The following VWA5B1 variants were observed in gnomAD, a reference collection of about 807,000 sequenced individuals.
VWA5B1 encodes the protein von Willebrand factor A domain-containing protein 5B1.
Under a neutral mutation model 118.2 loss-of-function variants are expected in VWA5B1, and 115 were observed. The observed-to-expected ratio is 0.97, with a 90% confidence interval of 0.84 to 1.14. VWA5B1 has a LOEUF of 1.14. VWA5B1 is among the 50% of genes most tolerant of loss of function. VWA5B1 has a pLI of 0.00. For missense variants in VWA5B1, 1,596 were observed against 1,603.8 expected, an observed-to-expected ratio of 1.00 and a Z score of 0.08; for synonymous variants, 682 against 658.4, an observed-to-expected ratio of 1.04 and a Z score of -0.55.
At chr1:20,295,191 T>C (rs1420457631) in intron 1 of VWA5B1, among the ~76,000 whole-genome samples, 2 of 151,652 alleles carry the variant, frequency 1.3e-5, no homozygotes, top group Non-Finnish European at 2.9e-5. Flanking sequence ...GGGCTCTGGG[T>C]TGAGGGAGGA....
At chr1:20,299,751 GT>G (rs1444480161) in intron 1 of VWA5B1, among the ~76,000 whole-genome samples, 1 of 152,252 alleles carries the variant, frequency 6.6e-6, no homozygotes, top group Admixed American at 6.5e-5. Context: ...GTCTTCTCTA[GT>G]GTGCTGACTT....
In VWA5B1 at chr1:20,342,623, G is replaced by A; in HGVS notation, c.2311+14G>A. ...CTGGAGATCTGGGTAAGTGACCACA[G>A]GGTCCAGGACCCAACTGGGGACAGG... On this transcript the variant is annotated intron_variant, in intron 15 of 21. Coordinates refer to ENST00000289815, the MANE Select transcript of VWA5B1 (RefSeq NM_001039500.3). 2.7e-6 allele frequency: 4 copies of A among 1,471,574 alleles called. No individual in the cohort carries two copies. Among genetic ancestry groups the A allele is most frequent in the Non-Finnish European group, 2.7e-6 (3 of 1,111,680 alleles). 91.2% of individuals were successfully genotyped at this position (1,471,574 alleles called of 1,614,324 possible).
At chr1:20,341,504 G>A (rs2089873354) in intron 14 of VWA5B1, among the ~76,000 whole-genome samples, 1 of 152,144 alleles carries the variant, frequency 6.6e-6, no homozygotes, top group Admixed American at 6.5e-5. Context: ...CTGCAAGATG[G>A]AAAAAAATTA....
chr1:20,299,015 C>T (rs191009365), intron 1 of VWA5B1, among the ~76,000 whole-genome samples: 2 of 152,166 alleles, frequency 1.3e-5, no homozygotes, highest in Non-Finnish European at 2.9e-5. Context: ...ACTAACCTCT[C>T]TTATGTTCAC....
chr1:20,338,787 C>T (rs1249023367), intron 14 of VWA5B1: 1 of 152,312 alleles, frequency 6.6e-6, no homozygotes, highest in Non-Finnish European at 1.5e-5. Flanking sequence ...GCCTCGAACT[C>T]CCAAAGCACT....
intron 4 of VWA5B1, among the ~76,000 whole-genome samples, chr1:20,316,692 G>A (rs920673754): frequency 2.6e-5 from 4 of 152,192 alleles, no homozygotes; most frequent in African/African-American, 7.2e-5. Context: ...TGGCTAAGCC[G>A]TTGCTCCTGG....
At chr1:20,299,084 G>A (rs1240711313) in intron 1 of VWA5B1, among the ~76,000 whole-genome samples, 1 of 152,178 alleles carries the variant, frequency 6.6e-6, no homozygotes, top group Non-Finnish European at 1.5e-5. Flanking sequence ...AGGGATCCAT[G>A]TGATCATACA....
intron 1 of VWA5B1, among the ~76,000 whole-genome samples, chr1:20,303,924 G>A (rs1380976962): frequency 6.6e-6 from 1 of 152,230 alleles, no homozygotes; most frequent in African/African-American, 2.4e-5. Flanking sequence ...TTTGGAGTCC[G>A]GGCTGGTTTC....
At position 20,353,784 on chromosome 1, in the gene VWA5B1, T is replaced by G. The variant is rs768052950; in HGVS notation, c.3169T>G (p.Phe1057Val). The G allele has an allele frequency of 2.7e-6, 4 of 1,468,680 alleles. No individual in the cohort carries two copies. The highest frequency in any genetic ancestry group is 3.6e-6 in the Non-Finnish European group (4 of 1,107,890). The allele number at this position is 1,468,680 out of a possible 1,614,324, so 91.0% of individuals were successfully genotyped here. A position where few individuals can be genotyped will look rare whatever the true frequency, so the allele number is the denominator to read the frequency against. ...LVSLQLASGA[F>V]LLNEAFCEAT... is the part of the protein sequence containing the mutation. The stretch of plus-strand genomic sequence containing the variant: ...GTCTCTGCAGCTGGCCTCCGGAGCC[T>G]TCCTGCTCAACGAAGCCTTCTGTGA... Residue 1057 changes from phenylalanine to valine, a missense_variant, in exon 22 of 22, where the codon TTC (phenylalanine) becomes GTC (valine). Physicochemically the swap from Phe to Val is conservative, Grantham distance 50 (BLOSUM62 -1). Transcript: ENST00000289815.
intron 1 of VWA5B1, chr1:20,294,468 T>TTTATTTATTTATTTATTTA (rs1318285350): frequency 4.4e-5 from 4 of 91,214 alleles, no homozygotes; most frequent in Non-Finnish European, 1.0e-4. Context: ...CCCATGGGGT[T>TTTATTTATTTATTTATTTA]TTATTTATTT....
intron 11 of VWA5B1, 38 bp downstream of exon 11, chr1:20,331,021 G>A: frequency 6.7e-7 from 1 of 1,492,810 alleles, no homozygotes; most frequent in Non-Finnish European, 9.0e-7. Flanking sequence ...TCTGGTGCTG[G>A]AACCTCAGAG....
chr1:20,343,756 A>T (rs902697103), intron 16 of VWA5B1, among the ~76,000 whole-genome samples: 1 of 15,316 alleles, frequency 6.5e-5, no homozygotes, highest in Non-Finnish European at 1.2e-4. Flanking sequence ...CCCAGCCCCC[A>T]CCCTGTGCCT....
chr1:20,320,735 T>G (rs986692372), intron 7 of VWA5B1, among the ~76,000 whole-genome samples: 15 of 152,248 alleles, frequency 9.9e-5, no homozygotes, highest in African/African-American at 3.1e-4. Flanking sequence ...GATGAGTTTA[T>G]TAATAATTGG....
chr1:20,348,412 C>A (rs139719178), intron 18 of VWA5B1, 54 bp downstream of exon 18: 1 of 1,527,722 alleles, frequency 6.5e-7, no homozygotes, highest in Non-Finnish European at 8.9e-7. Context: ...GAAGCCTGGG[C>A]CCCTGAGGTT....
At chr1:20,329,348 G>T (rs1379825715) in intron 9 of VWA5B1, among the ~76,000 whole-genome samples, 1 of 132,250 alleles carries the variant, frequency 7.6e-6, no homozygotes, top group Non-Finnish European at 1.5e-5. Context: ...TGTCACCCAG[G>T]CTGGAGTGCA....
Position 20,350,207 on chromosome 1 carries a change from G to C in VWA5B1, c.2930G>C (p.Arg977Pro), listed in dbSNP as rs61744712. Residue 977 changes from arginine to proline, a missense_variant, in exon 19 of 22, where the codon CGC becomes CCC. Coordinates refer to ENST00000289815, the MANE Select transcript of VWA5B1 (RefSeq NM_001039500.3). ...ALFSEARSPG[R>P]EKHGASEGPQ... ...TTCAGCGAGGCCAGGTCCCCCGGCC[G>C]CGAGAAGCACGGTGCTTCTGAAGGT... 3.9e-6 allele frequency: 6 copies of C among 1,550,994 alleles called. No individual in the cohort carries two copies. The African/African-American group carries it at 4.1e-5, about 11-fold the overall frequency.
intron 16 of VWA5B1, among the ~76,000 whole-genome samples, chr1:20,344,002 A>G (rs995776853): frequency 2.0e-4 from 10 of 50,554 alleles, no homozygotes; most frequent in Non-Finnish European, 3.5e-4. Context: ...CTGCTCCCCC[A>G]CTCCACCTCA....
At chr1:20,353,677 TG>T in intron 21 of VWA5B1, 79 bp from the exon 22 acceptor site, 1 of 1,424,966 alleles carries the variant, frequency 7.0e-7, no homozygotes, top group South Asian at 1.6e-5. Context: ...GTGGGCAACA[TG>T]GATCCAGACT....
In VWA5B1 at chr1:20,354,108, G is replaced by T; in HGVS notation, c.3493G>T (p.Ala1165Ser). The change falls in exon 22 of 22, where the codon GCC becomes TCC. Residue 1165 changes from alanine (A) to serine (S), a missense_variant. Transcript: ENST00000289815. ...SYFTEWELVA[A>S]KANSWLEQQE... The stretch of plus-strand genomic sequence containing the variant: ...CTTCACTGAGTGGGAGTTGGTGGCT[G>T]CCAAGGCCAACTCATGGCTGGAGCA... 1.5e-5 allele frequency: 24 copies of T among 1,551,454 alleles called. No homozygotes were observed. Among genetic ancestry groups the T allele is most frequent in the Non-Finnish European group, 2.0e-5 (23 of 1,146,996 alleles).
Sources: allele counts gnomAD v4.1 joint callset (sites outside exome capture counted in the v4.1 genomes callset), GRCh38; gene constraint gnomAD v4.1.1; transcripts MANE v1.5; gene names NCBI Gene and HGNC (gene_info 2026-07-23, HGNC 2026-07-21).